Variants in MDFIC observed in about 807,000 individuals in gnomAD.
MDFIC encodes MyoD family inhibitor domain containing, also known as myoD family inhibitor domain-containing protein.
Under a neutral mutation model 23.2 loss-of-function variants are expected in MDFIC, and 17 were observed. The observed-to-expected ratio is 0.73, with a 90% CI of 0.50 to 1.10. The LOEUF (loss-of-function observed/expected upper bound fraction) is 1.10. Ranked by LOEUF, MDFIC falls within the 50% of genes least tolerant of loss-of-function variation. The probability of loss-of-function intolerance (pLI) is 0.00; values close to 1 mark genes in which losing one functional copy is unlikely to be tolerated. For missense variants in MDFIC, 356 were observed against 316.6 expected (o/e 1.12, Z -0.95); for synonymous variants, 120 against 115.2 (o/e 1.04, Z -0.27).
At chr7:114,988,782 A>C (rs1793555236) in intron 4 of MDFIC, among the ~76,000 whole-genome samples, 1 of 152,206 alleles carries the variant, frequency 6.6e-6, no homozygotes, top group African/African-American at 2.4e-5. Flanking sequence ...ATTTGGAAAT[A>C]TACAAATGGA....
intron 4 of MDFIC, among the ~76,000 whole-genome samples, chr7:115,013,000 G>A (rs1162392824): frequency 2.0e-5 from 3 of 151,926 alleles, no homozygotes; most frequent in Non-Finnish European, 2.9e-5. Flanking sequence ...ATAAAAAATA[G>A]TAGAATGGAT....
chr7:114,982,773 G>A (rs1394704528), intron 4 of MDFIC, among the ~76,000 whole-genome samples: 2 of 152,156 alleles, frequency 1.3e-5, no homozygotes, highest in South Asian at 2.1e-4. Context: ...CAGTTCTGGA[G>A]GCTGGGAAGA....
intron 3 of MDFIC, among the ~76,000 whole-genome samples, chr7:114,975,332 A>G (rs1449711945): frequency 6.6e-6 from 1 of 152,102 alleles, no homozygotes; most frequent in African/African-American, 2.4e-5. Flanking sequence ...TCCCTTTATA[A>G]CGCAGGCAGA....
chr7:114,992,839 G>C (rs9706129), intron 4 of MDFIC, among the ~76,000 whole-genome samples: 1,572 of 152,232 alleles, frequency 0.01, 16 homozygotes, highest in Admixed American at 0.017. Context: ...GCCAGGCTTT[G>C]GTATCAGGAT....
chr7:114,950,883 G>A (rs1226426336), intron 3 of MDFIC, among the ~76,000 whole-genome samples: 2 of 152,056 alleles, frequency 1.3e-5, no homozygotes, highest in Admixed American at 6.6e-5. Flanking sequence ...AACTTAAAGG[G>A]TCAGGAGGGG....
intron 3 of MDFIC, among the ~76,000 whole-genome samples, chr7:114,961,520 A>C (rs1327955309): frequency 2.0e-5 from 3 of 152,140 alleles, no homozygotes; most frequent in Admixed American, 2.0e-4. Flanking sequence ...TCCTTATATG[A>C]GTCCATTCTT....
chr7:114,923,571 T>C, intron 2 of MDFIC: 2 of 1,532,066 alleles, frequency 1.3e-6, no homozygotes, highest in Non-Finnish European at 1.7e-6. Flanking sequence ...TAATTCAGGT[T>C]TCTGTGACCA....
intron 4 of MDFIC, among the ~76,000 whole-genome samples, chr7:114,985,847 A>G (rs1793502701): frequency 6.6e-6 from 1 of 151,886 alleles, no homozygotes; most frequent in South Asian, 2.1e-4. Context: ...ACACAGGTCT[A>G]TATGATTTAT....
chr7:115,019,518 T>TA lies in MDFIC; in HGVS notation c.*3585dup, dbSNP rs1333469422. On this transcript the variant is annotated 3_prime_UTR_variant, in exon 5 of 5. Coordinates refer to ENST00000393486, the MANE Select transcript of MDFIC (RefSeq NM_001166345.3). ...AACATAAATAAGACTCGAGACTTAT[T>TA]AACATAAATAAGTATCTTGCCTTCT... 6.6e-6 allele frequency among the ~76,000 whole-genome samples: 1 copy of TA among 152,066 alleles called. No homozygotes were observed. The highest frequency in any genetic ancestry group is 1.5e-5 in the Non-Finnish European group (1 of 67,954).
In MDFIC at chr7:114,958,525, C is replaced by T. The variant is rs892600338; in HGVS notation, c.217+16128C>T. Among the ~76,000 whole-genome samples, 15 of 152,158 alleles carry T rather than the reference C, an allele frequency of 9.9e-5. No homozygotes were observed. The South Asian group carries it at 1.7e-3, about 17-fold the overall frequency. ...CAGCACTTTGGGAGGCAGAGGCAGG[C>T]GGATCACCTGAGGTCAGGAGTTCGA... On this transcript the variant is annotated intron_variant, in intron 3 of 4. Coordinates refer to ENST00000393486, the MANE Select transcript of MDFIC (RefSeq NM_001166345.3).
At chr7:114,979,851 C>G (rs2115962545) in intron 4 of MDFIC, 70 bp downstream of exon 4, 1 of 1,522,550 alleles carries the variant, frequency 6.6e-7, no homozygotes, top group East Asian at 2.3e-5. Context: ...ATTATTTGAT[C>G]AAGCATATAT....
intron 2 of MDFIC, among the ~76,000 whole-genome samples, chr7:114,925,653 G>A (rs1008728003): frequency 6.6e-6 from 1 of 152,158 alleles, no homozygotes; most frequent in African/African-American, 2.4e-5. Flanking sequence ...GGATTTTGGG[G>A]AACTGGAGAG....
At position 115,019,514 on chromosome 7, in the gene MDFIC, T is replaced by A. The variant is rs540283868; in HGVS notation, c.*3579T>A. Among the ~76,000 whole-genome samples the A allele has an allele frequency of 1.7e-4, 26 of 152,216 alleles. No individual in the cohort carries two copies. The highest frequency in any genetic ancestry group is 6.0e-4 in the African/African-American group (25 of 41,564). On this transcript the variant is annotated 3_prime_UTR_variant, in exon 5 of 5. Transcript: ENST00000393486. Reference sequence around the variant, plus strand: ...GCCCAACATAAATAAGACTCGAGACTTATTAACATAAATAAGTATCTTGCC... The same window carrying A: ...GCCCAACATAAATAAGACTCGAGACATATTAACATAAATAAGTATCTTGCC...
In MDFIC at chr7:114,942,296, C is replaced by T. The variant is rs1792557786; in HGVS notation, c.116C>T (p.Thr39Ile). The change falls in exon 3 of 5, where the codon ACT (threonine) becomes ATT (isoleucine). Residue 39 changes from threonine to isoleucine, a missense_variant. Physicochemically the swap from Thr to Ile is moderately conservative, Grantham distance 89. Coordinates refer to ENST00000393486, the MANE Select transcript of MDFIC (RefSeq NM_001166345.3). ...TAQGKCDKDN[T>I]EKDITQATNS... ...TCAGGAAAATGTGATAAAGACAATACTGAGAAAGATATAACTCAAGCTACC... is the reference window on the plus strand; with the variant it reads ...TCAGGAAAATGTGATAAAGACAATATTGAGAAAGATATAACTCAAGCTACC... The T allele has an allele frequency of 1.3e-6, 2 of 1,551,624 alleles. No individual in the cohort carries two copies. Among genetic ancestry groups the T allele is most frequent in the African/African-American group, 2.7e-5 (2 of 73,076 alleles).
intron 2 of MDFIC, among the ~76,000 whole-genome samples, chr7:114,926,379 A>G (rs576515525): frequency 1.3e-5 from 2 of 152,346 alleles, no homozygotes; most frequent in East Asian, 1.9e-4. Context: ...CATAAATTGT[A>G]TGTCATTGTG....
chr7:115,015,573 T>G, intron 4 of MDFIC, 115 bp from the exon 5 acceptor site: 5 of 1,368,840 alleles, frequency 3.7e-6, no homozygotes, highest in Non-Finnish European at 5.0e-6. Context: ...CAAACTTCAT[T>G]TGGGTTGTGG....
intron 2 of MDFIC, among the ~76,000 whole-genome samples, chr7:114,934,533 A>G (rs1196674561): frequency 6.6e-6 from 1 of 152,172 alleles, no homozygotes; most frequent in African/African-American, 2.4e-5. Context: ...TCCCAAACCT[A>G]TAAAGTGATT....
intron 4 of MDFIC, among the ~76,000 whole-genome samples, chr7:114,999,870 G>A (rs1160149264): frequency 6.6e-6 from 1 of 151,962 alleles, no homozygotes; most frequent in African/African-American, 2.4e-5. Context: ...TATACATATA[G>A]GCAATAAACT....
At chr7:115,003,256 T>C (rs1359105176) in intron 4 of MDFIC, among the ~76,000 whole-genome samples, 1 of 152,122 alleles carries the variant, frequency 6.6e-6, no homozygotes, top group Non-Finnish European at 1.5e-5. Context: ...GGTGGTTGAA[T>C]AAGCCCATTC....
Sources: allele counts gnomAD v4.1 joint callset (sites outside exome capture counted in the v4.1 genomes callset), GRCh38; gene constraint gnomAD v4.1.1; transcripts MANE v1.5; gene names NCBI Gene and HGNC (gene_info 2026-07-23, HGNC 2026-07-21).